Variants in PPP1R37 observed in about 807,000 individuals in gnomAD.
The protein encoded by PPP1R37 is protein phosphatase 1 regulatory subunit 37.
A neutral mutation model predicts 61.0 loss-of-function variants in PPP1R37; 21 were observed. The ratio of observed to expected loss-of-function variants is 0.34; its 90% CI spans 0.24 to 0.50. The LOEUF (loss-of-function observed/expected upper bound fraction) is 0.50. PPP1R37 is among the 20% of genes least tolerant of loss of function. PPP1R37 has a pLI of 0.98. For missense variants in PPP1R37, 910 were observed against 952.7 expected (o/e 0.96, Z 0.59); for synonymous variants, 443 against 433.5 (o/e 1.02, Z -0.27).
In PPP1R37 at chr19:45,121,834, C is replaced by T. The variant is rs1968346001; in HGVS notation, c.203-16680C>T. On this transcript the variant is annotated intron_variant, in intron 1 of 12. Coordinates refer to ENST00000221462, the MANE Select transcript of PPP1R37 (RefSeq NM_019121.2). The surrounding 1 kb of genome is among the most constrained non-coding windows in gnomAD (Gnocchi z 4.2). ...GTAAAGATACTCCCCTGAGAAATAC[C>T]TGCCCTTGGGAAGCCCACTGCATTG... 6.6e-6 allele frequency among the ~76,000 whole-genome samples: 1 copy of T among 152,246 alleles called. No homozygotes were observed.
In PPP1R37 at chr19:45,142,284, GC is replaced by G; in HGVS notation, c.719-14del. On this transcript the variant is annotated intron_variant, in intron 6 of 12. Transcript: ENST00000221462. ...GGGCAGGGGCCTGCCCAGTCACCGT[GC>G]CCCCTCCCCGTCCCCAGCCACGGCC... The G allele has an allele frequency of 6.5e-7, 1 of 1,535,432 alleles. No individual in the cohort carries two copies. Among genetic ancestry groups the G allele is most frequent in the East Asian group, 2.4e-5 (1 of 40,876 alleles).
chr19:45,142,341 T>C lies in PPP1R37; in HGVS notation c.757T>C (p.Tyr253His), dbSNP rs757543143. ...LKMNMNLREL[Y>H]LADNKLNGLQ... ...GATGAACATGAACCTGCGGGAGCTG[T>C]ACCTGGCGGACAACAAGCTCAACGG... Residue 253 changes from tyrosine (Y) to histidine (H), a missense_variant, in exon 7 of 13, where the codon TAC (tyrosine) becomes CAC (histidine). Tyr to His is a moderately conservative substitution (Grantham distance 83). Transcript: ENST00000221462. 6.5e-7 allele frequency: 1 copy of C among 1,536,050 alleles called. No individual in the cohort carries two copies. Among genetic ancestry groups the C allele is most frequent in the South Asian group, 1.2e-5 (1 of 84,064 alleles).
At chr19:45,094,101 TG>T (rs1231728400) in intron 1 of PPP1R37, among the ~76,000 whole-genome samples, 1 of 151,604 alleles carries the variant, frequency 6.6e-6, no homozygotes, top group Non-Finnish European at 1.5e-5. Flanking sequence ...GGAGCAGAGG[TG>T]GTGGTCAATT....
chr19:45,097,782 G>A (rs1968012050), intron 1 of PPP1R37, among the ~76,000 whole-genome samples: 1 of 152,106 alleles, frequency 6.6e-6, no homozygotes, highest in Non-Finnish European at 1.5e-5. Flanking sequence ...GAATGGGAGA[G>A]CAGAGGCCGA....
chr19:45,140,347 G>C, intron 3 of PPP1R37, 66 bp downstream of exon 3: 1 of 1,479,642 alleles, frequency 6.8e-7, no homozygotes, highest in Non-Finnish European at 9.1e-7. Flanking sequence ...CCTAGAGCTG[G>C]GTCTGAGGAC....
intron 1 of PPP1R37, chr19:45,128,597 A>G: frequency 7.9e-7 from 1 of 1,264,212 alleles, no homozygotes; most frequent in Non-Finnish European, 1.1e-6. Flanking sequence ...TCGAGACAAG[A>G]GATGCAGGGG....
intron 1 of PPP1R37, among the ~76,000 whole-genome samples, chr19:45,126,402 G>A (rs575580960): frequency 6.6e-6 from 1 of 152,194 alleles, no homozygotes; most frequent in Non-Finnish European, 1.5e-5. Flanking sequence ...GGGAGGCCCA[G>A]GGCAGTCACT....
intron 1 of PPP1R37, among the ~76,000 whole-genome samples, chr19:45,120,962 G>A (rs1400707188): frequency 2.0e-5 from 3 of 152,256 alleles, no homozygotes; most frequent in East Asian, 1.9e-4. Context: ...CCTTTGAGAC[G>A]GAACCATGTC....
At chr19:45,114,561 GC>G (rs1968240666) in intron 1 of PPP1R37, among the ~76,000 whole-genome samples, 1 of 152,186 alleles carries the variant, frequency 6.6e-6, no homozygotes, top group Admixed American at 6.5e-5. Flanking sequence ...TTTAGAGGAG[GC>G]TCTGCAGACA....
chr19:45,140,337 C>A, intron 3 of PPP1R37, 56 bp downstream of exon 3: 1 of 1,504,502 alleles, frequency 6.6e-7, no homozygotes. Context: ...TCGGGGGCTC[C>A]CTAGAGCTGG....
At chr19:45,095,957 G>A (rs1410258460) in intron 1 of PPP1R37, among the ~76,000 whole-genome samples, 1 of 152,062 alleles carries the variant, frequency 6.6e-6, no homozygotes, top group Non-Finnish European at 1.5e-5. Flanking sequence ...AGAGGCTCCA[G>A]GTCAGATCCT....
intron 1 of PPP1R37, among the ~76,000 whole-genome samples, chr19:45,125,867 G>A (rs891418435): frequency 3.3e-5 from 5 of 152,326 alleles, no homozygotes; most frequent in African/African-American, 7.2e-5. Flanking sequence ...AGACCTCTTC[G>A]TCCTTTCCCA....
At chr19:45,100,906 G>A (rs569410694) in intron 1 of PPP1R37, among the ~76,000 whole-genome samples, 5 of 152,320 alleles carry the variant, frequency 3.3e-5, no homozygotes, top group Middle Eastern at 3.4e-3. Flanking sequence ...CCTCTGGGAC[G>A]TGTTCTTCCT....
intron 1 of PPP1R37, among the ~76,000 whole-genome samples, chr19:45,097,931 C>A (rs1047101310): frequency 3.3e-5 from 5 of 152,084 alleles, no homozygotes; most frequent in African/African-American, 1.2e-4. Context: ...AGCAGCCTGG[C>A]GTGGGGATGC....
intron 1 of PPP1R37, among the ~76,000 whole-genome samples, chr19:45,126,549 A>G (rs1968407417): frequency 6.6e-6 from 1 of 151,394 alleles, no homozygotes; most frequent in Non-Finnish European, 1.5e-5. Flanking sequence ...CCTGGTTTCC[A>G]GGTGTGACTT....
chr19:45,141,065 G>GGC (rs1471463040), intron 4 of PPP1R37, among the ~76,000 whole-genome samples: 6 of 152,306 alleles, frequency 3.9e-5, no homozygotes, highest in African/African-American at 1.2e-4. Flanking sequence ...GGAACACCAA[G>GGC]GCCTGTCCTG....
At chr19:45,137,964 C>A (rs905337840) in intron 1 of PPP1R37, among the ~76,000 whole-genome samples, 1 of 151,964 alleles carries the variant, frequency 6.6e-6, no homozygotes, top group Non-Finnish European at 1.5e-5. Context: ...CATAGTGACA[C>A]CCCATCTCCA....
At position 45,145,109 on chromosome 19, in the gene PPP1R37, C is replaced by T. The variant is rs1461480983; in HGVS notation, c.1145C>T (p.Ala382Val). Reference sequence around the variant, plus strand: ...GCCCCCCCAGGCGCGGTGGCGGTGGCGGAGTTCATCGCTGAGAGCCCCCGC... The same window carrying T: ...GCCCCCCCAGGCGCGGTGGCGGTGGTGGAGTTCATCGCTGAGAGCCCCCGC... The part of the protein sequence containing the change: ...KLTCEGAVAV[A>V]EFIAESPRLL... Residue 382 changes from alanine (A) to valine (V), a missense_variant, in exon 10 of 13, where the codon GCG becomes GTG. By Grantham distance (64) the Ala-to-Val change is moderately conservative (BLOSUM62 0). This residue lies in a region of PPP1R37 where 549 missense variants were observed against 505.1 expected (regional missense o/e 1.09). Transcript: ENST00000221462. 2 of 1,533,408 alleles carry T rather than the reference C, an allele frequency of 1.3e-6. No individual in the cohort carries two copies. The highest frequency in any genetic ancestry group is 1.7e-6 in the Non-Finnish European group (2 of 1,145,776). 95.0% of individuals were successfully genotyped at this position (1,533,408 alleles called of 1,614,324 possible).
intron 1 of PPP1R37, 89 bp downstream of exon 1, chr19:45,093,616 C>A: frequency 1.1e-6 from 1 of 948,296 alleles, no homozygotes; most frequent in Non-Finnish European, 1.6e-6. Flanking sequence ...AGGTGGCGTT[C>A]AATAGATTGC....
Sources: gnomAD v4.1 joint callset for allele counts (sites outside exome capture counted in the v4.1 genomes callset) on GRCh38, gnomAD v4.1.1 for gene constraint, gnomAD v4.1.1 regional missense constraint, Gnocchi (gnomAD v3.1) non-coding constraint, MANE v1.5 for transcripts, NCBI Gene and HGNC (gene_info 2026-07-23, HGNC 2026-07-21) for gene names.